Variants in XAB2 observed in about 807,000 individuals in gnomAD.
XAB2 encodes XPA binding protein 2, also known as pre-mRNA-splicing factor SYF1.
A neutral mutation model predicts 113.4 loss-of-function variants in XAB2; 57 were observed. That is an observed-to-expected ratio of 0.50 (90% CI 0.41 to 0.63). XAB2 has a LOEUF of 0.63. Among genes scored for constraint, XAB2 ranks in the 20% least tolerant of loss-of-function variants. XAB2 has a pLI of 0.00. For synonymous variants in XAB2, 497 were observed against 498.8 expected (o/e 1.00, Z 0.05); for missense variants, 1,037 against 1,233.3 (o/e 0.84, Z 2.38).
Position 7,623,941 on chromosome 19 carries a change from C to A in XAB2, c.968-59G>T. ...GACCCAGGATGCAGGTCCCCGGATG[C>A]CACCGCCTCCACTCCCCACCCTCAC... On this transcript the variant is annotated intron_variant, in intron 7 of 18. Transcript: ENST00000358368. The surrounding 1 kb of genome is among the most constrained non-coding windows in gnomAD (Gnocchi z 4.6). 6.8e-7 allele frequency: 1 copy of A among 1,476,070 alleles called. No homozygotes were observed. The highest frequency in any genetic ancestry group is 9.0e-7 in the Non-Finnish European group (1 of 1,112,204). 91.4% of individuals were successfully genotyped at this position (1,476,070 alleles called of 1,614,324 possible). A position where few individuals can be genotyped will look rare whatever the true frequency, so the allele number is the denominator to read the frequency against.
rs767423268 is a variant in XAB2 at position 7,627,799 on chromosome 19, G to T, written c.253C>A (p.Arg85Ser). The change falls in exon 3 of 19, where the codon CGC becomes AGC. Residue 85 changes from arginine to serine, a missense_variant. Transcript: ENST00000358368. This position sits in a 1 kb window ranked among gnomAD's most constrained non-coding sequence, Gnocchi z 4.5. ...LKARRAQVKH[R>S]CVTDPAYEDV... ...TCATAGGCAGGGTCGGTCACACAGC[G>T]ATGCTTCACCTGTGCCCGACGCGCC... The T allele has an allele frequency of 1.2e-6, 2 of 1,614,000 alleles. No individual in the cohort carries two copies. Among genetic ancestry groups the T allele is most frequent in the East Asian group, 4.5e-5 (2 of 44,882 alleles).
chr19:7,622,239 C>A, intron 12 of XAB2, 92 bp downstream of exon 12: 1 of 1,215,368 alleles, frequency 8.2e-7, no homozygotes, highest in Non-Finnish European at 1.2e-6. Flanking sequence ...TATACTGTGT[C>A]ACACAAGCCC....
chr19:7,625,745 C>T lies in XAB2; in HGVS notation c.822+135G>A. 1 of 1,268,456 alleles carries T rather than the reference C, an allele frequency of 7.9e-7. No homozygotes were observed. The highest frequency in any genetic ancestry group is 1.1e-6 in the Non-Finnish European group (1 of 943,054). The allele number at this position is 1,268,456 out of a possible 1,614,324, so 78.6% of individuals were successfully genotyped here. ...CCTACCGCCTCGGCCTCCCAAAGTGCTGGGATGACAGGTGTGAGCCACCAC... is the reference window on the plus strand; with the variant it reads ...CCTACCGCCTCGGCCTCCCAAAGTGTTGGGATGACAGGTGTGAGCCACCAC... On this transcript the variant is annotated intron_variant, in intron 6 of 18. Transcript: ENST00000358368. This position sits in a 1 kb window ranked among gnomAD's most constrained non-coding sequence, Gnocchi z 5.2.
In XAB2 at chr19:7,624,172, C is replaced by A; in HGVS notation, c.967+129G>T. 1 of 1,445,992 alleles carries A rather than the reference C, an allele frequency of 6.9e-7. No homozygotes were observed. The highest frequency in any genetic ancestry group is 9.4e-7 in the Non-Finnish European group (1 of 1,060,292). The allele number at this position is 1,445,992 out of a possible 1,614,324, so 89.6% of individuals were successfully genotyped here. The stretch of plus-strand genomic sequence containing the variant: ...TCAAGACCCCCACACCCCCTGCATC[C>A]ACTCAGCCTCCTTCCCTGCTGGCCC... On this transcript the variant is annotated intron_variant, in intron 7 of 18. Transcript: ENST00000358368. The surrounding 1 kb of genome is among the most constrained non-coding windows in gnomAD (Gnocchi z 4.2).
chr19:7,622,800 G>A lies in XAB2; in HGVS notation c.1333C>T (p.Arg445Ter), dbSNP rs764575454. Residue 445 changes from arginine (R) to a stop codon, truncating the protein, a stop_gained, in exon 10 of 19, where the codon CGA becomes TGA. Coordinates refer to ENST00000358368, the MANE Select transcript of XAB2 (RefSeq NM_020196.3). LOFTEE classifies it high-confidence loss of function. ...AAGGCCTCATCGTAGTTCTCGTGTC[G>A]GAGCTCCAGCTCTCCGCACTGACAC... is the stretch of plus-strand genomic sequence containing the variant. ...VWCQCGELEL[R>*]HENYDEALRL... The A allele has an allele frequency of 5.0e-6, 8 of 1,613,964 alleles. No homozygotes were observed. Among genetic ancestry groups the A allele is most frequent in the South Asian group, 1.1e-5 (1 of 91,084 alleles).
chr19:7,623,799 G>A lies in XAB2; in HGVS notation c.1051C>T (p.Arg351Cys), dbSNP rs1302937858. The change falls in exon 8 of 19, where the codon CGC becomes TGC. Residue 351 changes from arginine to cysteine, a missense_variant. Coordinates refer to ENST00000358368, the MANE Select transcript of XAB2 (RefSeq NM_020196.3). The surrounding 1 kb of genome is among the most constrained non-coding windows in gnomAD (Gnocchi z 4.6). ...RPLLLNSVLLRQNPHHVHEWH... is the reference protein window; with the variant it reads ...RPLLLNSVLLCQNPHHVHEWH... Reference sequence around the variant, plus strand: ...TCGTGCACGTGGTGTGGGTTTTGGCGCAGCAAGACGCTGTTGAGGAGCAGG... The same window carrying A: ...TCGTGCACGTGGTGTGGGTTTTGGCACAGCAAGACGCTGTTGAGGAGCAGG... The A allele has an allele frequency of 1.4e-5, 22 of 1,611,956 alleles. No homozygotes were observed. Among genetic ancestry groups the A allele is most frequent in the Middle Eastern group, 3.5e-4 (2 of 5,738 alleles).
Position 7,620,442 on chromosome 19 carries a change from G to A in XAB2, c.2099C>T (p.Thr700Ile). The change falls in exon 16 of 19, where the codon ACC (threonine) becomes ATC (isoleucine). Residue 700 changes from threonine (T) to isoleucine (I), a missense_variant. Coordinates refer to ENST00000358368, the MANE Select transcript of XAB2 (RefSeq NM_020196.3). ...FCSQICDPRT[T>I]GAFWQTWKDF... Reference sequence around the variant, plus strand: ...CTTCCACGTCTGCCAGAACGCGCCGGTCGTCTGCGTGGGGGGCAGGGCAGG... The same window carrying A: ...CTTCCACGTCTGCCAGAACGCGCCGATCGTCTGCGTGGGGGGCAGGGCAGG... 3.7e-6 allele frequency: 6 copies of A among 1,608,774 alleles called. No individual in the cohort carries two copies. The highest frequency in any genetic ancestry group is 5.1e-6 in the Non-Finnish European group (6 of 1,178,188).
Position 7,620,593 on chromosome 19 carries a change from C to T in XAB2, c.2048G>A (p.Arg683His), listed in dbSNP as rs1395100753. 10 of 1,613,364 alleles carry T rather than the reference C, an allele frequency of 6.2e-6. No homozygotes were observed. Among genetic ancestry groups the T allele is most frequent in the South Asian group, 3.3e-5 (3 of 91,092 alleles). Residue 683 changes from arginine (R) to histidine (H), a missense_variant, in exon 15 of 19, where the codon CGC becomes CAC. By Grantham distance (29) the Arg-to-His change is conservative. Coordinates refer to ENST00000358368, the MANE Select transcript of XAB2 (RefSeq NM_020196.3). ...GCAGAAGCTGTAGATGGCCCGGGCG[C>T]GGTCAATCTCCCCGAGCTTGCACTC... is the stretch of plus-strand genomic sequence containing the variant. Reference protein sequence around the residue: ...DMECKLGEIDRARAIYSFCSQ... With the variant: ...DMECKLGEIDHARAIYSFCSQ...
At position 7,624,469 on chromosome 19, in the gene XAB2, G is replaced by A. The variant is rs781029878; in HGVS notation, c.823-24C>T. ...GCCTGTGGGGACCCAGGGAAGGGGAGGTGAGAGGAAAGTGGCGCAGGGGAC... is the reference window on the plus strand; with the variant it reads ...GCCTGTGGGGACCCAGGGAAGGGGAAGTGAGAGGAAAGTGGCGCAGGGGAC... On this transcript the variant is annotated intron_variant, in intron 6 of 18. Transcript: ENST00000358368. This position sits in a 1 kb window ranked among gnomAD's most constrained non-coding sequence, Gnocchi z 4.2. 10 of 1,613,628 alleles carry A rather than the reference G, an allele frequency of 6.2e-6. No individual in the cohort carries two copies. The highest frequency in any genetic ancestry group is 5.0e-5 in the Admixed American group (3 of 59,998).
Position 7,625,996 on chromosome 19 carries a change from G to C in XAB2, c.706C>G (p.Gln236Glu). 1 of 1,613,264 alleles carries C rather than the reference G, an allele frequency of 6.2e-7. No individual in the cohort carries two copies. Among genetic ancestry groups the C allele is most frequent in the Middle Eastern group, 1.7e-4 (1 of 6,058 alleles). Residue 236 changes from glutamine (Q) to glutamate (E), a missense_variant, in exon 6 of 19, where the codon CAG (glutamine) becomes GAG (glutamate). Coordinates refer to ENST00000358368, the MANE Select transcript of XAB2 (RefSeq NM_020196.3). The surrounding 1 kb of genome is among the most constrained non-coding windows in gnomAD (Gnocchi z 5.2). ...ATGATGGCGTCCACATTGAGGGACT[G>C]TACCTTGTCCGGATTCTGGGAGATG... ...DLISQNPDKV[Q>E]SLNVDAIIRG... is the part of the protein sequence containing the mutation.
In XAB2 at chr19:7,619,544, T is replaced by G; in HGVS notation, c.*42A>C. 2.6e-5 allele frequency: 36 copies of G among 1,399,640 alleles called. No individual in the cohort carries two copies. Among genetic ancestry groups the G allele is most frequent in the Non-Finnish European group, 3.0e-5 (31 of 1,036,956 alleles). 86.7% of individuals were successfully genotyped at this position (1,399,640 alleles called of 1,614,324 possible). ...AGACCATGATGTACAAACGTAGCTG[T>G]ATTGGGGAGGGGGTGGGGAGGGGGG... On this transcript the variant is annotated 3_prime_UTR_variant, in exon 19 of 19. Transcript: ENST00000358368.
rs766825361 is a variant in XAB2, at chr19:7,623,886, G to C, written c.968-4C>G. On this transcript the variant is annotated splice_region_variant and splice_polypyrimidine_tract_variant and intron_variant, in intron 7 of 18. Transcript: ENST00000358368. The surrounding 1 kb of genome is among the most constrained non-coding windows in gnomAD (Gnocchi z 4.6). ...CGCAGCTCCAGGTCCACATCATCTGGGAGCCGCGAACATGTTTGTCAGGGG... is the reference window on the plus strand; with the variant it reads ...CGCAGCTCCAGGTCCACATCATCTGCGAGCCGCGAACATGTTTGTCAGGGG... The C allele has an allele frequency of 9.6e-6, 15 of 1,563,766 alleles. No individual in the cohort carries two copies. The highest frequency in any genetic ancestry group is 2.7e-5 in the African/African-American group (2 of 73,696).
chr19:7,625,818 T>C lies in XAB2; in HGVS notation c.822+62A>G, dbSNP rs1412773182. 1.3e-6 allele frequency: 2 copies of C among 1,538,228 alleles called. No individual in the cohort carries two copies. The highest frequency in any genetic ancestry group is 1.8e-6 in the Non-Finnish European group (2 of 1,138,662). On this transcript the variant is annotated intron_variant, in intron 6 of 18. Coordinates refer to ENST00000358368, the MANE Select transcript of XAB2 (RefSeq NM_020196.3). The surrounding 1 kb of genome is among the most constrained non-coding windows in gnomAD (Gnocchi z 5.2). ...TTCTGCCTGTGCATGTGTCAACATG[T>C]GTCCCCGAGTGTCGGAGGGAGACCC...
rs1437055073 is a variant in XAB2 at position 7,622,591 on chromosome 19, T to C, written c.1442A>G (p.Tyr481Cys). 1 of 1,613,076 alleles carries C rather than the reference T, an allele frequency of 6.2e-7. No individual in the cohort carries two copies. Among genetic ancestry groups the C allele is most frequent in the Non-Finnish European group, 8.5e-7 (1 of 1,180,044 alleles). ...CATGGACCAGACCTTCAGTGACTTG[T>C]ACACGCGGTTCTGCACGGGCTCTGA... ...DGSEPVQNRV[Y>C]KSLKVWSMLA... is the part of the protein sequence containing the mutation. The change falls in exon 11 of 19, where the codon TAC becomes TGC. Residue 481 changes from tyrosine (Y) to cysteine (C), a missense_variant. By Grantham distance (194) the Tyr-to-Cys change is radical. Coordinates refer to ENST00000358368, the MANE Select transcript of XAB2 (RefSeq NM_020196.3).
chr19:7,624,929 C>G lies in XAB2; in HGVS notation c.823-484G>C, dbSNP rs1005495929. On this transcript the variant is annotated intron_variant, in intron 6 of 18. Transcript: ENST00000358368. The surrounding 1 kb of genome is among the most constrained non-coding windows in gnomAD (Gnocchi z 4.2). ...CCAGCTCAGGTCCCCTCTCTCTACC[C>G]AGCCCTGACGGGTCTTGCCCTGCTG... Among the ~76,000 whole-genome samples the G allele has an allele frequency of 1.3e-5, 2 of 152,204 alleles. No homozygotes were observed. Among genetic ancestry groups the G allele is most frequent in the African/African-American group, 4.8e-5 (2 of 41,464 alleles).
At position 7,627,293 on chromosome 19, in the gene XAB2, A is replaced by T; in HGVS notation, c.472T>A (p.Ser158Thr). ...ACAGCTGTCTCAGGCAGTGGGTGTG[A>T]GCGCAGGAAGCGCAGATACAGGGGC... ...IWPLYLRFLR[S>T]HPLPETAVRG... Residue 158 changes from serine to threonine, a missense_variant, in exon 4 of 19, where the codon TCA becomes ACA. Coordinates refer to ENST00000358368, the MANE Select transcript of XAB2 (RefSeq NM_020196.3). This position sits in a 1 kb window ranked among gnomAD's most constrained non-coding sequence, Gnocchi z 4.5. The T allele has an allele frequency of 6.2e-7, 1 of 1,613,730 alleles. No homozygotes were observed. Among genetic ancestry groups the T allele is most frequent in the Non-Finnish European group, 8.5e-7 (1 of 1,180,030 alleles).
intron 12 of XAB2, 92 bp from the exon 13 acceptor site, chr19:7,621,389 G>A (rs1215574323): frequency 2.0e-6 from 3 of 1,463,718 alleles, no homozygotes; most frequent in East Asian, 4.6e-5. Flanking sequence ...TAGGGAGCCT[G>A]CCAGGAACTC....
Position 7,626,170 on chromosome 19 carries a change from C to T in XAB2, c.623G>A (p.Arg208His), listed in dbSNP as rs191550276. The T allele has an allele frequency of 9.9e-6, 16 of 1,613,750 alleles. No individual in the cohort carries two copies. The highest frequency in any genetic ancestry group is 1.6e-4 in the Middle Eastern group (1 of 6,062). Residue 208 changes from arginine (R) to histidine (H), a missense_variant, in exon 5 of 19, where the codon CGT (arginine) becomes CAT (histidine). Transcript: ENST00000358368. Reference sequence around the variant, plus strand: ...GGACTTGCCGGCCTTAGACACGAAACGCTCGTCGTTCACCACGGTGGCCAG... The same window carrying T: ...GGACTTGCCGGCCTTAGACACGAAATGCTCGTCGTTCACCACGGTGGCCAG... ...QRLATVVNDE[R>H]FVSKAGKSNY...
At position 7,623,636 on chromosome 19, in the gene XAB2, C is replaced by T. The variant is rs2031081022; in HGVS notation, c.1119+95G>A. The T allele has an allele frequency of 1.4e-6, 2 of 1,474,264 alleles. No individual in the cohort carries two copies. Among genetic ancestry groups the T allele is most frequent in the Non-Finnish European group, 9.0e-7 (1 of 1,108,496 alleles). The allele number at this position is 1,474,264 out of a possible 1,614,324, so 91.3% of individuals were successfully genotyped here. On this transcript the variant is annotated intron_variant, in intron 8 of 18. Coordinates refer to ENST00000358368, the MANE Select transcript of XAB2 (RefSeq NM_020196.3). This position sits in a 1 kb window ranked among gnomAD's most constrained non-coding sequence, Gnocchi z 4.6. ...ATTGGACCTACTAAGCAAAGTCAGG[C>T]CCCTAGAAGGTGACATTATGGGTGA...
Sources: allele counts gnomAD v4.1 joint callset (sites outside exome capture counted in the v4.1 genomes callset), GRCh38; gene constraint gnomAD v4.1.1; non-coding constraint Gnocchi (gnomAD v3.1); transcripts MANE v1.5; gene names NCBI Gene and HGNC (gene_info 2026-07-23, HGNC 2026-07-21).